C5AR1: variants seen among roughly 807,000 people sequenced by gnomAD.
C5AR1 encodes the protein C5a anaphylatoxin chemotactic receptor 1.
C5AR1 carries 4 observed loss-of-function variants against 2.4 expected under a neutral mutation model. That is an observed-to-expected ratio of 1.65 (90% CI 0.81 to 3.77). C5AR1 has a LOEUF of 3.77. Ranked by LOEUF, C5AR1 falls within the 30% of genes most tolerant of loss-of-function variation. The probability of loss-of-function intolerance (pLI) is 0.01; values close to 1 mark genes in which losing one functional copy is unlikely to be tolerated. For missense variants in C5AR1, 418 were observed against 462.5 expected (o/e 0.90, Z 0.88); for synonymous variants, 209 against 210.4 (o/e 0.99, Z 0.06).
At chr19:47,310,135 G>C (rs1197131127) in intron 1 of C5AR1, among the ~76,000 whole-genome samples, 1 of 152,160 alleles carries the variant, frequency 6.6e-6, no homozygotes, top group Admixed American at 6.6e-5. Context: ...GGGAGCAACA[G>C]CAACCTCGTG....
At position 47,320,652 on chromosome 19, in the gene C5AR1, A is replaced by G. The variant is rs374216504; in HGVS notation, c.875A>G (p.Asn292Ser). 2.5e-6 allele frequency: 4 copies of G among 1,613,994 alleles called. No homozygotes were observed. In the African/African-American group the frequency reaches 4.0e-5, roughly 16 times the overall value. Residue 292 changes from asparagine to serine, a missense_variant, in exon 2 of 2, where the codon AAC (asparagine) becomes AGC (serine). Coordinates refer to ENST00000355085, the MANE Select transcript of C5AR1 (RefSeq NM_001736.4). This position sits in a 1 kb window ranked among gnomAD's most constrained non-coding sequence, Gnocchi z 4.9. ...CTGTGTGTCTCCTTTGCCTACATCA[A>G]CTGCTGCATCAACCCCATCATCTAC... Reference protein sequence around the residue: ...DSLCVSFAYINCCINPIIYVV... With the variant: ...DSLCVSFAYISCCINPIIYVV...
Position 47,320,898 on chromosome 19 carries a change from C to A in C5AR1, c.*68C>A. 1 of 1,415,338 alleles carries A rather than the reference C, an allele frequency of 7.1e-7. No homozygotes were observed. 87.7% of individuals were successfully genotyped at this position (1,415,338 alleles called of 1,614,324 possible). A position where few individuals can be genotyped will look rare whatever the true frequency, so the allele number is the denominator to read the frequency against. ...TCCCGGCCATTCTCCCTCTTGTTTT[C>A]ACTTCACTTTTCGTGGGATGGTGTT... On this transcript the variant is annotated 3_prime_UTR_variant, in exon 2 of 2. Transcript: ENST00000355085. The surrounding 1 kb of genome is among the most constrained non-coding windows in gnomAD (Gnocchi z 4.9).
intron 1 of C5AR1, among the ~76,000 whole-genome samples, chr19:47,312,241 A>G (rs2059273272): frequency 1.3e-5 from 2 of 151,964 alleles, no homozygotes. Flanking sequence ...GCCTGCCACC[A>G]TGCCTGGCTA....
intron 1 of C5AR1, among the ~76,000 whole-genome samples, chr19:47,313,476 C>T (rs1032318130): frequency 7.3e-5 from 11 of 150,676 alleles, no homozygotes; most frequent in African/African-American, 2.0e-4. Flanking sequence ...GGGCTGGGCG[C>T]GGTGGCTCAT....
At chr19:47,314,613 GTC>G (rs2059280225) in intron 1 of C5AR1, among the ~76,000 whole-genome samples, 1 of 152,066 alleles carries the variant, frequency 6.6e-6, no homozygotes. Flanking sequence ...GGTCAGGCTG[GTC>G]TTGAACTGCT....
At chr19:47,316,301 C>CTATCTAT (rs1385186919) in intron 1 of C5AR1, among the ~76,000 whole-genome samples, 57 of 152,078 alleles carry the variant, frequency 3.7e-4, no homozygotes, top group Non-Finnish European at 4.6e-4. Flanking sequence ...TATCATCTAT[C>CTATCTAT]TATCTATCAT....
intron 1 of C5AR1, among the ~76,000 whole-genome samples, chr19:47,312,655 T>A (rs2059274500): frequency 6.6e-6 from 1 of 152,234 alleles, no homozygotes; most frequent in Admixed American, 6.6e-5. Flanking sequence ...AGGCGTTGTA[T>A]TAGGCATTCA....
intron 1 of C5AR1, among the ~76,000 whole-genome samples, chr19:47,315,122 A>G (rs1006727488): frequency 6.6e-6 from 1 of 152,068 alleles, no homozygotes; most frequent in African/African-American, 2.4e-5. Flanking sequence ...GGCTCAAGCA[A>G]TCCCCCTGCT....
In C5AR1 at chr19:47,315,971, T is replaced by TCATC. The variant is rs555304432; in HGVS notation, c.4-3784_4-3781dup. Among the ~76,000 whole-genome samples, 691 of 151,558 alleles carry TCATC rather than the reference T, an allele frequency of 4.6e-3. 2 individuals carry two copies. The highest frequency in any genetic ancestry group is 0.012 in the African/African-American group (478 of 41,290). On this transcript the variant is annotated intron_variant, in intron 1 of 1. Coordinates refer to ENST00000355085, the MANE Select transcript of C5AR1 (RefSeq NM_001736.4). ...TCCATCCATCCATCTGTCCATCGATTCATCCATCCATCCATCCATCCATCC... is the reference window on the plus strand; with the variant it reads ...TCCATCCATCCATCTGTCCATCGATTCATCCATCCATCCATCCATCCATCCATCC...
chr19:47,309,631 C>T (rs1372345576), upstream of C5AR1, among the ~76,000 whole-genome samples: 1 of 151,232 alleles, frequency 6.6e-6, no homozygotes. Context: ...AAACCAAGGC[C>T]AGGAGAGGGG....
chr19:47,309,853 C>A, upstream of C5AR1: 1 of 1,610,538 alleles, frequency 6.2e-7, no homozygotes, highest in Non-Finnish European at 8.5e-7. Flanking sequence ...AGCCCTTGGG[C>A]AGGAGGGACC....
intron 1 of C5AR1, among the ~76,000 whole-genome samples, chr19:47,317,344 A>C (rs898616087): frequency 1.3e-5 from 2 of 151,486 alleles, no homozygotes; most frequent in Non-Finnish European, 2.9e-5. Context: ...CTCCTCTTTA[A>C]AAAAACATTA....
chr19:47,320,618 C>T lies in C5AR1; in HGVS notation c.841C>T (p.Leu281=). 1 of 1,614,080 alleles carries T rather than the reference C, an allele frequency of 6.2e-7. No individual in the cohort carries two copies. Among genetic ancestry groups the T allele is most frequent in the Non-Finnish European group, 8.5e-7 (1 of 1,179,980 alleles). The change falls in exon 2 of 2, where the codon CTG becomes TTG. Residue 281 remains leucine, a synonymous_variant. Coordinates refer to ENST00000355085, the MANE Select transcript of C5AR1 (RefSeq NM_001736.4). The surrounding 1 kb of genome is among the most constrained non-coding windows in gnomAD (Gnocchi z 4.9). ...SSPTFLLLKK[L]DSLCVSFAYI... ...ACCCACCTTCCTGCTGCTGAAGAAG[C>T]TGGACTCCCTGTGTGTCTCCTTTGC...
chr19:47,311,694 A>G (rs1223112496), intron 1 of C5AR1, among the ~76,000 whole-genome samples: 3 of 151,988 alleles, frequency 2.0e-5, no homozygotes, highest in South Asian at 2.1e-4. Context: ...CCTCCCGACT[A>G]GGTGGGATTA....
chr19:47,311,162 T>G (rs922508108), intron 1 of C5AR1, among the ~76,000 whole-genome samples: 2 of 151,966 alleles, frequency 1.3e-5, no homozygotes, highest in African/African-American at 4.8e-5. Context: ...ATTCTTCTTC[T>G]TCTTTTTTTT....
At chr19:47,312,710 G>C (rs1276451036) in intron 1 of C5AR1, among the ~76,000 whole-genome samples, 3 of 152,124 alleles carry the variant, frequency 2.0e-5, no homozygotes, top group Non-Finnish European at 4.4e-5. Flanking sequence ...TTCCCGTGTA[G>C]TTCAAGGGAG....
chr19:47,318,777 C>A (rs1175132743), intron 1 of C5AR1, among the ~76,000 whole-genome samples: 1 of 151,894 alleles, frequency 6.6e-6, no homozygotes, highest in African/African-American at 2.4e-5. Flanking sequence ...ACCTACAAGG[C>A]TTTCTCCAGT....
chr19:47,311,524 A>C lies in C5AR1; in HGVS notation c.3+1626A>C, dbSNP rs189468615. 5.2e-3 allele frequency among the ~76,000 whole-genome samples: 785 copies of C among 151,864 alleles called. 7 individuals are homozygous for C. The highest frequency in any genetic ancestry group is 0.018 in the African/African-American group (750 of 41,420). On this transcript the variant is annotated intron_variant, in intron 1 of 1. Transcript: ENST00000355085. Reference sequence around the variant, plus strand: ...TCAAAAAACAAACATAGAAAAAAAAAAACTCATTCTCCCTGCCTACCCCAG... The same window carrying C: ...TCAAAAAACAAACATAGAAAAAAAACAACTCATTCTCCCTGCCTACCCCAG...
chr19:47,319,456 G>C (rs564900721), intron 1 of C5AR1, among the ~76,000 whole-genome samples: 3 of 151,664 alleles, frequency 2.0e-5, no homozygotes, highest in Admixed American at 6.6e-5. Flanking sequence ...CTACAGGCAA[G>C]TGCAACCACG....
Sources: allele counts gnomAD v4.1 joint callset (sites outside exome capture counted in the v4.1 genomes callset), GRCh38; gene constraint gnomAD v4.1.1; non-coding constraint Gnocchi (gnomAD v3.1); transcripts MANE v1.5; gene names NCBI Gene and HGNC (gene_info 2026-07-23, HGNC 2026-07-21).